The following KCNQ5 variants were observed in gnomAD, a reference collection of about 807,000 sequenced individuals.
KCNQ5 encodes potassium voltage-gated channel subfamily Q member 5.
Under a neutral mutation model 98.2 loss-of-function variants are expected in KCNQ5, and 30 were observed. That is an observed-to-expected ratio of 0.31 (90% confidence interval 0.23 to 0.41). The LOEUF (loss-of-function observed/expected upper bound fraction) is 0.41. KCNQ5 is among the 10% of genes least tolerant of loss of function. The pLI is 1.00. For missense variants in KCNQ5, 835 were observed against 1,182.5 expected, an observed-to-expected ratio of 0.71 and a Z score of 4.31; for synonymous variants, 458 against 449.4, an observed-to-expected ratio of 1.02 and a Z score of -0.24.
intron 1 of KCNQ5, among the ~76,000 whole-genome samples, chr6:72,648,461 G>C (rs1055027554): frequency 1.3e-5 from 2 of 152,120 alleles, no homozygotes; most frequent in Admixed American, 1.3e-4. Flanking sequence ...TATATCTAAA[G>C]CCTAATGTTG....
At chr6:72,935,547 A>G (rs564788895) in intron 1 of KCNQ5, among the ~76,000 whole-genome samples, 8 of 152,264 alleles carry the variant, frequency 5.3e-5, no homozygotes, top group Non-Finnish European at 8.8e-5. Flanking sequence ...TCTTCTTTGC[A>G]TGATTAGTTG....
chr6:72,840,263 G>A (rs1019724058), intron 1 of KCNQ5, among the ~76,000 whole-genome samples: 1 of 152,082 alleles, frequency 6.6e-6, no homozygotes, highest in Non-Finnish European at 1.5e-5. Context: ...CAAATCCTTT[G>A]GATATGTACC....
chr6:72,775,981 C>T (rs1773142493), intron 1 of KCNQ5, among the ~76,000 whole-genome samples: 1 of 152,108 alleles, frequency 6.6e-6, no homozygotes. Flanking sequence ...AAAGTATGGA[C>T]TTTAATAATG....
intron 5 of KCNQ5, among the ~76,000 whole-genome samples, chr6:73,099,129 T>TA (rs59358468): frequency 0.74 from 111,587 of 151,784 alleles, 45,864 homozygotes; most frequent in South Asian, 0.94. Context: ...CATAGTAACC[T>TA]AAAATCAAAA....
intron 2 of KCNQ5, among the ~76,000 whole-genome samples, chr6:73,026,475 C>A (rs1303171752): frequency 6.6e-6 from 1 of 152,168 alleles, no homozygotes; most frequent in East Asian, 1.9e-4. Flanking sequence ...TCCAAAAGGC[C>A]TACCCTGCTC....
intron 2 of KCNQ5, among the ~76,000 whole-genome samples, chr6:73,035,542 T>C (rs1771375152): frequency 6.6e-6 from 1 of 152,202 alleles, no homozygotes; most frequent in East Asian, 1.9e-4. Context: ...CCAGAACTTG[T>C]CTCATGGCTT....
chr6:72,835,117 G>GTAT (rs1025729682), intron 1 of KCNQ5, among the ~76,000 whole-genome samples: 1 of 152,022 alleles, frequency 6.6e-6, no homozygotes, highest in African/African-American at 2.4e-5. Context: ...TCCAGACACT[G>GTAT]TAAGCATAGA....
intron 1 of KCNQ5, among the ~76,000 whole-genome samples, chr6:72,928,924 A>G (rs1212710040): frequency 6.6e-6 from 1 of 152,124 alleles, no homozygotes; most frequent in Admixed American, 6.6e-5. Context: ...GCTGGGTGTT[A>G]GAGATATAAA....
chr6:73,113,350 C>A lies in KCNQ5; in HGVS notation c.1125+1947C>A, dbSNP rs116072758. Among the ~76,000 whole-genome samples the A allele has an allele frequency of 4.9e-3, 747 of 152,316 alleles. 8 individuals are homozygous for A. Among genetic ancestry groups the A allele is most frequent in the African/African-American group, 0.015 (640 of 41,564 alleles). ...TATGGAACCAATAATACATTTTACA[C>A]AATAAAACCTCTTGGAATATCAGCT... On this transcript the variant is annotated intron_variant, in intron 7 of 13. Transcript: ENST00000370398.
intron 9 of KCNQ5, among the ~76,000 whole-genome samples, chr6:73,128,582 GT>G (rs1036226207): frequency 6.6e-6 from 1 of 152,132 alleles, no homozygotes; most frequent in African/African-American, 2.4e-5. Flanking sequence ...ATCTACCTAA[GT>G]TTTATTGCTA....
At chr6:73,117,046 C>T (rs1321904312) in intron 7 of KCNQ5, among the ~76,000 whole-genome samples, 1 of 152,218 alleles carries the variant, frequency 6.6e-6, no homozygotes, top group African/African-American at 2.4e-5. Flanking sequence ...ACCAGCATCA[C>T]CTGATAAATG....
chr6:73,055,681 G>C (rs1193219570), intron 3 of KCNQ5: 1 of 1,135,204 alleles, frequency 8.8e-7, no homozygotes, highest in Non-Finnish European at 1.3e-6. Context: ...AGCATCTGAA[G>C]GGTCTCTCTG....
intron 1 of KCNQ5, among the ~76,000 whole-genome samples, chr6:72,981,310 C>T (rs1331124521): frequency 6.6e-6 from 1 of 152,038 alleles, no homozygotes; most frequent in East Asian, 1.9e-4. Flanking sequence ...GGTTGGTAGG[C>T]TATTAATTAT....
intron 13 of KCNQ5, among the ~76,000 whole-genome samples, chr6:73,193,067 C>T (rs1281224039): frequency 7.0e-6 from 1 of 142,246 alleles, no homozygotes; most frequent in Non-Finnish European, 1.5e-5. Context: ...ATTGCCCAGG[C>T]TGGAGTGTAG....
At chr6:73,181,362 A>G (rs1359516889) in intron 11 of KCNQ5, among the ~76,000 whole-genome samples, 1 of 152,220 alleles carries the variant, frequency 6.6e-6, no homozygotes, top group African/African-American at 2.4e-5. Context: ...ATCTACCCTC[A>G]TGAAGAAAAG....
chr6:73,123,449 G>T (rs1006476650), intron 8 of KCNQ5, among the ~76,000 whole-genome samples: 1 of 152,128 alleles, frequency 6.6e-6, no homozygotes, highest in Non-Finnish European at 1.5e-5. Context: ...GGATGAAAGA[G>T]AGGTCTAAGA....
rs1765823956 is a variant in KCNQ5, at chr6:73,197,364, T to G, written c.*1950T>G. 6.6e-6 allele frequency: 1 copy of G among 152,282 alleles called. No homozygotes were observed. The highest frequency in any genetic ancestry group is 6.5e-5 in the Admixed American group (1 of 15,288). The allele number at this position is 152,282 out of a possible 1,614,324, so 9.4% of individuals were successfully genotyped here. A position where few individuals can be genotyped will look rare whatever the true frequency, so the allele number is the denominator to read the frequency against. ...TTAAAGCTTCCTCTTCGCATCCCAC[T>G]TGGATTCTAAGACAATTAGAATCAT... On this transcript the variant is annotated 3_prime_UTR_variant, in exon 14 of 14. Coordinates refer to ENST00000370398, the MANE Select transcript of KCNQ5 (RefSeq NM_019842.4).
chr6:72,648,101 T>C (rs576928762), intron 1 of KCNQ5, among the ~76,000 whole-genome samples: 2 of 152,174 alleles, frequency 1.3e-5, no homozygotes, highest in African/African-American at 4.8e-5. Flanking sequence ...GGTAATTAAG[T>C]TTGATAATTA....
intron 1 of KCNQ5, among the ~76,000 whole-genome samples, chr6:72,943,062 A>C (rs1766379800): frequency 6.6e-6 from 1 of 152,334 alleles, no homozygotes; most frequent in South Asian, 2.1e-4. Context: ...TCAACATTAA[A>C]ACAAACACAA....
Sources: gnomAD v4.1 joint callset for allele counts (sites outside exome capture counted in the v4.1 genomes callset) on GRCh38, gnomAD v4.1.1 for gene constraint, MANE v1.5 for transcripts, NCBI Gene and HGNC (gene_info 2026-07-23, HGNC 2026-07-21) for gene names.